RALGAPA2: variants seen among roughly 807,000 people sequenced by gnomAD.
The protein encoded by RALGAPA2 is ral GTPase-activating protein subunit alpha-2.
Under a neutral mutation model 230.4 loss-of-function variants are expected in RALGAPA2, and 139 were observed. The observed-to-expected ratio is 0.60, with a 90% CI of 0.53 to 0.69. RALGAPA2 has a LOEUF of 0.69. RALGAPA2 is among the 30% of genes least tolerant of loss of function. RALGAPA2 has a pLI of 0.00. For synonymous variants in RALGAPA2, 847 were observed against 837.8 expected (o/e 1.01, Z -0.19); for missense variants, 2,163 against 2,276.0 (o/e 0.95, Z 1.01).
chr20:20,629,014 T>A (rs928482011), intron 10 of RALGAPA2, among the ~76,000 whole-genome samples: 44 of 152,214 alleles, frequency 2.9e-4, no homozygotes, highest in Non-Finnish European at 1.8e-4. Context: ...TCTTCTTTGC[T>A]ATGTTCATTT....
intron 37 of RALGAPA2, among the ~76,000 whole-genome samples, chr20:20,442,820 C>G (rs879719279): frequency 3.9e-5 from 6 of 152,202 alleles, no homozygotes; most frequent in Non-Finnish European, 8.8e-5. Flanking sequence ...CAAAGGAAGC[C>G]TTTTACAGAG....
At chr20:20,650,331 A>C (rs1235375013) in intron 4 of RALGAPA2, among the ~76,000 whole-genome samples, 2 of 152,208 alleles carry the variant, frequency 1.3e-5, no homozygotes, top group Non-Finnish European at 2.9e-5. Context: ...GACTTCAAGC[A>C]CTGTGGTGGT....
intron 31 of RALGAPA2, among the ~76,000 whole-genome samples, chr20:20,518,068 T>C (rs535530152): frequency 2.6e-5 from 4 of 151,780 alleles, no homozygotes; most frequent in Non-Finnish European, 4.4e-5. Context: ...ATAATTTTTT[T>C]CCCCCCGAGA....
At chr20:20,622,576 C>T (rs1456024945) in intron 10 of RALGAPA2, among the ~76,000 whole-genome samples, 1 of 152,070 alleles carries the variant, frequency 6.6e-6, no homozygotes, top group Non-Finnish European at 1.5e-5. Flanking sequence ...CAGAGGGCTG[C>T]CAATTTAGAA....
chr20:20,396,588 G>A (rs533519407), intron 39 of RALGAPA2, 107 bp downstream of exon 39: 19 of 1,052,720 alleles, frequency 1.8e-5, no homozygotes, highest in African/African-American at 4.9e-5. Context: ...CCAGGAGGGC[G>A]AGGAGCACTG....
chr20:20,656,245 A>T (rs1231338650), intron 3 of RALGAPA2, among the ~76,000 whole-genome samples: 1 of 152,270 alleles, frequency 6.6e-6, no homozygotes, highest in Admixed American at 6.5e-5. Context: ...CTCGAATCCA[A>T]GGAGAAATCT....
At chr20:20,473,065 C>T in intron 36 of RALGAPA2, 109 bp from the exon 37 acceptor site, 1 of 1,215,764 alleles carries the variant, frequency 8.2e-7, no homozygotes, top group African/African-American at 1.5e-5. Flanking sequence ...TAAGCTGTCA[C>T]CCACAGAGCA....
chr20:20,456,661 G>A lies in RALGAPA2; in HGVS notation c.5495+16168C>T, dbSNP rs147435502. ...AAACTAGCCAAGTGGAGGGGCTGCT[G>A]AGCCAGGTATGCCTGGCCAGCCCCA... On this transcript the variant is annotated intron_variant, in intron 37 of 39. Transcript: ENST00000202677. 3.3e-4 allele frequency among the ~76,000 whole-genome samples: 51 copies of A among 152,346 alleles called. No homozygotes were observed. In the East Asian group the frequency reaches 8.7e-3, roughly 26 times the overall value.
intron 10 of RALGAPA2, among the ~76,000 whole-genome samples, chr20:20,623,846 ATTTC>A (rs1185696933): frequency 2.0e-5 from 3 of 151,828 alleles, no homozygotes; most frequent in Non-Finnish European, 2.9e-5. Context: ...GGTGTCTTTT[ATTTC>A]TTTATTTCTT....
At chr20:20,607,050 G>C (rs1370284577) in intron 14 of RALGAPA2, among the ~76,000 whole-genome samples, 1 of 152,206 alleles carries the variant, frequency 6.6e-6, no homozygotes, top group Admixed American at 6.5e-5. Context: ...CACTTGTTAA[G>C]ATACCAGCTT....
At chr20:20,411,720 C>T (rs950742363) in intron 38 of RALGAPA2, among the ~76,000 whole-genome samples, 1 of 152,188 alleles carries the variant, frequency 6.6e-6, no homozygotes, top group Non-Finnish European at 1.5e-5. Flanking sequence ...CGCTTTTAAA[C>T]AGCATATTCC....
intron 36 of RALGAPA2, among the ~76,000 whole-genome samples, chr20:20,488,935 G>A (rs961076145): frequency 6.6e-6 from 1 of 152,142 alleles, no homozygotes; most frequent in Admixed American, 6.5e-5. Flanking sequence ...GGGACTAATT[G>A]CTGGGCATTA....
chr20:20,653,719 A>G lies in RALGAPA2; in HGVS notation c.271-132T>C, dbSNP rs1309334187. On this transcript the variant is annotated intron_variant, in intron 3 of 39. Transcript: ENST00000202677. ...CTATGTACAATAACATAAATACTGC[A>G]CTTCATGCTGTATTCCTATGAGATA... The G allele has an allele frequency of 7.5e-6, 4 of 530,978 alleles. No homozygotes were observed. The Admixed American group carries it at 1.3e-4, about 17-fold the overall frequency. The allele number at this position is 530,978 out of a possible 1,614,324, so 32.9% of individuals were successfully genotyped here.
At chr20:20,544,877 G>C (rs1159576388) in intron 24 of RALGAPA2, among the ~76,000 whole-genome samples, 1 of 152,034 alleles carries the variant, frequency 6.6e-6, no homozygotes, top group Non-Finnish European at 1.5e-5. Context: ...TCAGGGGGTG[G>C]GGGGCAAGGG....
intron 18 of RALGAPA2, among the ~76,000 whole-genome samples, chr20:20,587,156 A>G (rs1472652644): frequency 2.0e-5 from 3 of 152,200 alleles, no homozygotes; most frequent in Non-Finnish European, 4.4e-5. Context: ...GGAAAAGGAC[A>G]AACAAAAACA....
At chr20:20,505,623 A>G in intron 33 of RALGAPA2, 89 bp from the exon 34 acceptor site, 2 of 1,161,922 alleles carry the variant, frequency 1.7e-6, no homozygotes, top group Non-Finnish European at 2.4e-6. Flanking sequence ...GACTTCTACC[A>G]CTGAGCTTAC....
At chr20:20,633,474 C>T (rs958886214) in intron 9 of RALGAPA2, among the ~76,000 whole-genome samples, 12 of 151,656 alleles carry the variant, frequency 7.9e-5, no homozygotes, top group Admixed American at 6.6e-5. Flanking sequence ...CTACCACTTC[C>T]CAAATTTAGA....
intron 35 of RALGAPA2, among the ~76,000 whole-genome samples, chr20:20,502,150 G>C (rs1054513671): frequency 6.6e-6 from 1 of 152,172 alleles, no homozygotes; most frequent in Non-Finnish European, 1.5e-5. Context: ...GTTTGATTAA[G>C]GGTTGCCACA....
chr20:20,398,352 C>G lies in RALGAPA2; in HGVS notation c.5618-1618G>C, dbSNP rs1311478838. On this transcript the variant is annotated intron_variant, in intron 38 of 39. Transcript: ENST00000202677. The surrounding 1 kb of genome is among the most constrained non-coding windows in gnomAD (Gnocchi z 4.5). ...ACTTGTTTGTAATTGCTGATGAGGACTGGGTTGCCCCTCTCCTGTGCATCC... is the reference window on the plus strand; with the variant it reads ...ACTTGTTTGTAATTGCTGATGAGGAGTGGGTTGCCCCTCTCCTGTGCATCC... Among the ~76,000 whole-genome samples, 6 of 152,208 alleles carry G rather than the reference C, an allele frequency of 3.9e-5. No homozygotes were observed. The highest frequency in any genetic ancestry group is 5.9e-5 in the Non-Finnish European group (4 of 68,030).
Sources: allele counts gnomAD v4.1 joint callset (sites outside exome capture counted in the v4.1 genomes callset), GRCh38; gene constraint gnomAD v4.1.1; non-coding constraint Gnocchi (gnomAD v3.1); transcripts MANE v1.5; gene names NCBI Gene and HGNC (gene_info 2026-07-23, HGNC 2026-07-21).